ORMDL1: variants seen among roughly 807,000 people sequenced by gnomAD.
ORMDL1 encodes ORM1-like protein 1.
A neutral mutation model predicts 13.0 loss-of-function variants in ORMDL1; 10 were observed. The ratio of observed to expected loss-of-function variants is 0.77; its 90% confidence interval spans 0.47 to 1.30. The LOEUF (loss-of-function observed/expected upper bound fraction) is 1.30. Ranked by LOEUF, ORMDL1 falls within the 50% of genes most tolerant of loss-of-function variation. The pLI is 0.00. For synonymous variants in ORMDL1, 61 were observed against 63.9 expected, an observed-to-expected ratio of 0.95 and a Z score of 0.22; for missense variants, 171 against 186.7, an observed-to-expected ratio of 0.92 and a Z score of 0.49.
At chr2:189,765,463 G>C (rs1411417851), downstream of ORMDL1, 1 of 152,196 alleles carries the variant, frequency 6.6e-6, no homozygotes, top group Non-Finnish European at 1.5e-5. Flanking sequence ...TTATAGGCTT[G>C]AAATTGGTTT....
intron 3 of ORMDL1, among the ~76,000 whole-genome samples, chr2:189,777,939 G>A (rs1322227091): frequency 6.6e-6 from 1 of 152,166 alleles, no homozygotes; most frequent in Non-Finnish European, 1.5e-5. Flanking sequence ...TATATTCAAA[G>A]GAAACTTAAA....
At chr2:189,783,415 G>A (rs1285702037) in intron 1 of ORMDL1, 2 of 152,158 alleles carry the variant, frequency 1.3e-5, no homozygotes, top group Admixed American at 6.5e-5. Context: ...ATCATCCGAC[G>A]GAGGGGGAAA....
rs371928677 is a variant in ORMDL1 at position 189,775,591 on chromosome 2, C to T, written c.300G>A (p.Lys100=). The T allele has an allele frequency of 1.2e-6, 2 of 1,602,848 alleles. No individual in the cohort carries two copies. The highest frequency in any genetic ancestry group is 8.5e-7 in the Non-Finnish European group (1 of 1,175,142). The change falls in exon 4 of 5, where the codon AAG becomes AAA. Residue 100 remains lysine (K), a synonymous_variant. Coordinates refer to ENST00000392349, the MANE Select transcript of ORMDL1 (RefSeq NM_016467.5). ...DYGVQFTSSR[K]FFTISPIILY... ...GAATTATTGGAGAAATTGTGAAAAA[C>T]TTCCGTGAAGATGTAAACTGTACTC...
At chr2:189,778,117 G>A in intron 3 of ORMDL1, 1 of 446,614 alleles carries the variant, frequency 2.2e-6, no homozygotes, top group Non-Finnish European at 4.5e-6. Context: ...GTACAGGGAT[G>A]GCATCTAAAC....
downstream of ORMDL1, among the ~76,000 whole-genome samples, chr2:189,767,922 TA>T (rs1442362916): frequency 2.0e-5 from 3 of 152,246 alleles, 1 homozygote; most frequent in East Asian, 5.8e-4. Flanking sequence ...CAACTTGAGA[TA>T]AAATCATCCA....
At chr2:189,770,089 C>T (rs568036049), downstream of ORMDL1, among the ~76,000 whole-genome samples, 8 of 152,160 alleles carry the variant, frequency 5.3e-5, 1 homozygote, top group East Asian at 1.5e-3. Context: ...CAAATATCTA[C>T]TGAGTAAATA....
At position 189,778,129 on chromosome 2, in the gene ORMDL1, G is replaced by A. The variant is rs140279161; in HGVS notation, c.175-2413C>T. ...GTGGTACAGGGATGGCATCTAAACC[G>A]TGGTGGCTCACACTCAGCACTTTGG... is the stretch of plus-strand genomic sequence containing the variant. On this transcript the variant is annotated intron_variant, in intron 3 of 4. Coordinates refer to ENST00000392349, the MANE Select transcript of ORMDL1 (RefSeq NM_016467.5). 3,037 of 447,534 alleles carry A rather than the reference G, an allele frequency of 6.8e-3. 79 individuals are homozygous for A. Among genetic ancestry groups the A allele is most frequent in the African/African-American group, 0.055 (2,756 of 49,692 alleles). 27.7% of individuals were successfully genotyped at this position (447,534 alleles called of 1,614,324 possible).
At chr2:189,768,132 T>C (rs963759758), downstream of ORMDL1, among the ~76,000 whole-genome samples, 3 of 152,216 alleles carry the variant, frequency 2.0e-5, no homozygotes, top group Non-Finnish European at 4.4e-5. Context: ...ATCTCATTCT[T>C]TTCTTTTTGA....
At chr2:189,784,109 G>C (rs908345574) in intron 1 of ORMDL1, 160 bp downstream of exon 1, 1 of 152,308 alleles carries the variant, frequency 6.6e-6, no homozygotes, top group Non-Finnish European at 1.5e-5. Context: ...GATTTGCGTA[G>C]GGGGCGAGCC....
chr2:189,769,370 A>G (rs558235359), downstream of ORMDL1, among the ~76,000 whole-genome samples: 254 of 142,386 alleles, frequency 1.8e-3, 12 homozygotes, highest in South Asian at 0.058. Context: ...CTGGGCGACA[A>G]AAAAAACCCG....
chr2:189,774,161 C>T (rs1363628197), intron 4 of ORMDL1: 3 of 152,154 alleles, frequency 2.0e-5, no homozygotes, highest in Non-Finnish European at 4.4e-5. Flanking sequence ...TGCATTCATT[C>T]ACTTATTTAT....
At chr2:189,779,113 G>A (rs929981910) in intron 3 of ORMDL1, among the ~76,000 whole-genome samples, 1 of 152,120 alleles carries the variant, frequency 6.6e-6, no homozygotes, top group Non-Finnish European at 1.5e-5. Context: ...AGGAGTTCGA[G>A]GCTGCAGTGA....
At chr2:189,778,297 AG>A (rs2047744053) in intron 3 of ORMDL1, 1 of 429,518 alleles carries the variant, frequency 2.3e-6, no homozygotes, top group Non-Finnish European at 4.6e-6. Flanking sequence ...CAGGAGGCTG[AG>A]GCAGGAGAAT....
At chr2:189,780,973 G>GCA (rs2047812977) in intron 3 of ORMDL1, among the ~76,000 whole-genome samples, 1 of 152,128 alleles carries the variant, frequency 6.6e-6, no homozygotes, top group Admixed American at 6.6e-5. Flanking sequence ...GAGTGCAGTG[G>GCA]CACGATCTTG....
intron 3 of ORMDL1, among the ~76,000 whole-genome samples, chr2:189,778,631 A>G (rs1044255204): frequency 2.6e-5 from 4 of 152,132 alleles, no homozygotes; most frequent in Non-Finnish European, 4.4e-5. Flanking sequence ...ATGGTAGCTC[A>G]CACCTGTAAT....
chr2:189,782,060 A>G (rs2047852843), intron 3 of ORMDL1, among the ~76,000 whole-genome samples: 1 of 151,716 alleles, frequency 6.6e-6, no homozygotes. Flanking sequence ...CTCCTGCCTC[A>G]GCCTCCCGAG....
chr2:189,773,978 C>T (rs1332574347), intron 4 of ORMDL1: 2 of 152,114 alleles, frequency 1.3e-5, no homozygotes, highest in Non-Finnish European at 2.9e-5. Context: ...ATTAAAACTT[C>T]TGAATGTCAG....
downstream of ORMDL1, among the ~76,000 whole-genome samples, chr2:189,766,825 TAGG>T (rs1317572042): frequency 3.9e-5 from 6 of 152,252 alleles, no homozygotes; most frequent in Non-Finnish European, 8.8e-5. Context: ...TTGATTATTC[TAGG>T]AGTTCATAAA....
intron 4 of ORMDL1, among the ~76,000 whole-genome samples, chr2:189,774,451 C>T (rs2047649310): frequency 6.6e-6 from 1 of 152,178 alleles, no homozygotes; most frequent in Admixed American, 6.5e-5. Context: ...AATGCCTTCC[C>T]TTACTTAAAT....
Sources: allele counts gnomAD v4.1 joint callset (sites outside exome capture counted in the v4.1 genomes callset), GRCh38; gene constraint gnomAD v4.1.1; transcripts MANE v1.5; gene names NCBI Gene and HGNC (gene_info 2026-07-23, HGNC 2026-07-21).